CAPN3: variants seen among roughly 807,000 people sequenced by gnomAD.
The protein encoded by CAPN3 is calpain 3.
Under a neutral mutation model 114.0 loss-of-function variants are expected in CAPN3, and 88 were observed. The observed-to-expected ratio is 0.77, with a 90% CI of 0.65 to 0.92. The LOEUF is 0.92. Among genes scored for constraint, CAPN3 ranks in the 40% least tolerant of loss-of-function variants. The pLI, the probability that CAPN3 is intolerant of heterozygous loss-of-function variation, is 0.00. For missense variants in CAPN3, 1,028 were observed against 1,069.0 expected (o/e 0.96, Z 0.53); for synonymous variants, 386 against 382.9 (o/e 1.01, Z -0.09).
chr15:42,380,667 T>C (rs996446230), intron 1 of CAPN3, among the ~76,000 whole-genome samples: 1 of 146,180 alleles, frequency 6.8e-6, no homozygotes, highest in Non-Finnish European at 1.5e-5. Context: ...TCTTCTCAGC[T>C]TCATGGAGTC....
rs77016398 is a variant in CAPN3, at chr15:42,400,786, A to G, written c.1355-855A>G. ...GAAAGGAATTTAGCTTGGGACATGG[A>G]AAGTTTGAGGTTCCTGTAGAGTGTC... On this transcript the variant is annotated intron_variant, in intron 10 of 23. Transcript: ENST00000397163. Among the ~76,000 whole-genome samples, 130 of 152,210 alleles carry G rather than the reference A, an allele frequency of 8.5e-4. No homozygotes were observed. The East Asian group carries it at 0.02, about 24-fold the overall frequency.
chr15:42,368,329 C>G (rs925515973), intron 1 of CAPN3, among the ~76,000 whole-genome samples: 3 of 152,136 alleles, frequency 2.0e-5, no homozygotes. Flanking sequence ...CATTTCTGTG[C>G]TTTTTATTGG....
At position 42,410,659 on chromosome 15, in the gene CAPN3, C is replaced by T. The variant is rs11557721; in HGVS notation, c.2256C>T (p.Asn752=). The T allele has an allele frequency of 7.4e-6, 12 of 1,613,008 alleles. No homozygotes were observed. In the East Asian group the frequency reaches 8.9e-5, roughly 12 times the overall value. ...GCTACGAGATGCGAAATGCAGTCAA[C>T]GACGCAGGTGCTGAGAAGGAAGGGG... The part of the protein sequence containing the change: ...INSYEMRNAV[N]DAGFHLNNQL... The change falls in exon 21 of 24, where the codon AAC becomes AAT. Residue 752 remains asparagine, a synonymous_variant. Transcript: ENST00000397163.
chr15:42,360,865 A>T (rs1336825878), intron 1 of CAPN3, among the ~76,000 whole-genome samples: 3 of 152,168 alleles, frequency 2.0e-5, no homozygotes, highest in African/African-American at 7.2e-5. Context: ...CTCTCTGATC[A>T]TCCCTCCAGT....
intron 17 of CAPN3, among the ~76,000 whole-genome samples, 157 bp from the exon 18 acceptor site, chr15:42,409,630 G>A (rs1364244888): frequency 1.3e-5 from 2 of 152,136 alleles, no homozygotes; most frequent in African/African-American, 2.4e-5. Flanking sequence ...GCAGTATCTG[G>A]CCCCCTGTCT....
At position 42,359,534 on chromosome 15, in the gene CAPN3, G is replaced by A; in HGVS notation, c.-272G>A. 7.6e-7 allele frequency: 1 copy of A among 1,323,976 alleles called. No individual in the cohort carries two copies. Among genetic ancestry groups the A allele is most frequent in the Non-Finnish European group, 9.7e-7 (1 of 1,033,108 alleles). 82.0% of individuals were successfully genotyped at this position (1,323,976 alleles called of 1,614,324 possible). ...TCTCTCTCCCTCTGGCATGCATGCTGCTGGTAGGAGACCCCCAAGTCAACA... is the reference window on the plus strand; with the variant it reads ...TCTCTCTCCCTCTGGCATGCATGCTACTGGTAGGAGACCCCCAAGTCAACA... On this transcript the variant is annotated 5_prime_UTR_variant, in exon 1 of 24. Transcript: ENST00000397163.
intron 12 of CAPN3, chr15:42,402,448 G>A: frequency 2.1e-6 from 3 of 1,428,110 alleles, no homozygotes; most frequent in Non-Finnish European, 2.7e-6. Flanking sequence ...GAGGGTGGCT[G>A]CCCGCTTGGG....
chr15:42,399,867 C>T (rs1474254066), intron 10 of CAPN3, among the ~76,000 whole-genome samples: 1 of 152,208 alleles, frequency 6.6e-6, no homozygotes, highest in Non-Finnish European at 1.5e-5. Flanking sequence ...AATGCAGATG[C>T]TGCTTGACTT....
chr15:42,405,397 G>A (rs900622952), intron 14 of CAPN3, among the ~76,000 whole-genome samples: 2 of 152,044 alleles, frequency 1.3e-5, no homozygotes, highest in Admixed American at 6.6e-5. Context: ...TGCAACCTCC[G>A]CCTCCCGGGT....
At chr15:42,397,882 TGTG>T (rs2053746808) in intron 9 of CAPN3, among the ~76,000 whole-genome samples, 1 of 151,986 alleles carries the variant, frequency 6.6e-6, no homozygotes, top group South Asian at 2.1e-4. Flanking sequence ...ATTAGCCAGA[TGTG>T]GTGGCGTGTG....
chr15:42,370,355 CA>C (rs1234587906), intron 1 of CAPN3, among the ~76,000 whole-genome samples: 1 of 151,840 alleles, frequency 6.6e-6, no homozygotes, highest in East Asian at 1.9e-4. Context: ...GGTTGGCACA[CA>C]AAAAAAAGTT....
intron 6 of CAPN3, among the ~76,000 whole-genome samples, chr15:42,390,668 A>G (rs1017549512): frequency 1.5e-4 from 23 of 151,776 alleles, no homozygotes; most frequent in Admixed American, 1.4e-3. Context: ...AACATCTAGT[A>G]TATGTTCTTC....
chr15:42,401,642 T>TA lies in CAPN3; in HGVS notation c.1357dup (p.Thr453AsnfsTer18), dbSNP rs2053871695. The TA allele has an allele frequency of 3.1e-6, 5 of 1,614,152 alleles. No homozygotes were observed. The highest frequency in any genetic ancestry group is 2.5e-6 in the Non-Finnish European group (3 of 1,180,008). On this transcript the variant is annotated frameshift_variant and splice_region_variant, in exon 11 of 24. Transcript: ENST00000397163. LOFTEE classifies it high-confidence loss of function. Reference sequence around the variant, plus strand: ...CGTGCTTCCTTTCTGGGGGTGCAGATACTTTCTGGACCAACCCTCAGTACC... The same window carrying TA: ...CGTGCTTCCTTTCTGGGGGTGCAGATAACTTTCTGGACCAACCCTCAGTACC...
rs1555421293 is a variant in CAPN3 at position 42,394,342 on chromosome 15, G to A, written c.1115+1G>A. 1 of 1,557,272 alleles carries A rather than the reference G, an allele frequency of 6.4e-7. No homozygotes were observed. Among genetic ancestry groups the A allele is most frequent in the Non-Finnish European group, 8.7e-7 (1 of 1,149,874 alleles). On this transcript the variant is annotated splice_donor_variant, in intron 8 of 23. Coordinates refer to ENST00000397163, the MANE Select transcript of CAPN3 (RefSeq NM_000070.3). LOFTEE classifies it high-confidence loss of function. ...AGTGGAACGGTTCTTGGAGTGATAG[G>A]TAGGTGAGGGGACCCCACGGGATTG...
intron 1 of CAPN3, among the ~76,000 whole-genome samples, chr15:42,381,896 T>A (rs372525282): frequency 5.9e-5 from 9 of 152,220 alleles, no homozygotes; most frequent in African/African-American, 1.9e-4. Context: ...TCAGTCCTTA[T>A]GTTAGTGTCC....
intron 1 of CAPN3, among the ~76,000 whole-genome samples, chr15:42,366,706 C>G (rs1294066253): frequency 6.6e-6 from 1 of 151,812 alleles, no homozygotes; most frequent in African/African-American, 2.4e-5. Context: ...CGTTTACTTA[C>G]AAGAGGGAGG....
At chr15:42,402,692 G>T in intron 12 of CAPN3, 102 bp from the exon 13 acceptor site, 2 of 1,570,096 alleles carry the variant, frequency 1.3e-6, no homozygotes, top group East Asian at 2.3e-5. Context: ...ACTGTGACAT[G>T]GGTGACCAGG....
chr15:42,406,375 T>C (rs1418939888), intron 15 of CAPN3, among the ~76,000 whole-genome samples: 1 of 152,124 alleles, frequency 6.6e-6, no homozygotes, highest in Non-Finnish European at 1.5e-5. Context: ...GGTGCTAGCA[T>C]TTCTGGTGGT....
chr15:42,361,533 T>C (rs1566966611), intron 1 of CAPN3, among the ~76,000 whole-genome samples: 1 of 152,058 alleles, frequency 6.6e-6, no homozygotes, highest in Non-Finnish European at 1.5e-5. Context: ...GTATATTCCA[T>C]AGGGGCTCTT....
Sources: gnomAD v4.1 joint callset for allele counts (sites outside exome capture counted in the v4.1 genomes callset) on GRCh38, gnomAD v4.1.1 for gene constraint, MANE v1.5 for transcripts, NCBI Gene and HGNC (gene_info 2026-07-23, HGNC 2026-07-21) for gene names.